OARD1: variants seen among roughly 807,000 people sequenced by gnomAD.
OARD1 encodes O-acyl-ADP-ribose deacylase 1, also known as ADP-ribose glycohydrolase OARD1.
A neutral mutation model predicts 19.7 loss-of-function variants in OARD1; 19 were observed. That is an observed-to-expected ratio of 0.96 (90% CI 0.67 to 1.41). The LOEUF is 1.41. Among genes scored for constraint, OARD1 ranks in the 40% most tolerant of loss-of-function variants. The pLI, the probability that OARD1 is intolerant of heterozygous loss-of-function variation, is 0.00. For synonymous variants in OARD1, 70 were observed against 61.8 expected, an observed-to-expected ratio of 1.13 and a Z score of -0.62; for missense variants, 190 against 183.8, an observed-to-expected ratio of 1.03 and a Z score of -0.20.
At position 41,068,945 on chromosome 6, in the gene OARD1, C is replaced by A. The variant is rs1339992660; in HGVS notation, c.252G>T (p.Lys84Asn). 2 of 1,583,534 alleles carry A rather than the reference C, an allele frequency of 1.3e-6. No homozygotes were observed. Among genetic ancestry groups the A allele is most frequent in the Non-Finnish European group, 1.7e-6 (2 of 1,159,168 alleles). ...DGRYIYYLITKKRASHKPTYE... is the reference protein window; with the variant it reads ...DGRYIYYLITNKRASHKPTYE... ...AAGTTGGCTTGTGCGAAGCCCTTTT[C>A]TTTGTAATCTGAACACAAAGGATTC... Residue 84 changes from lysine to asparagine, a missense_variant, in exon 5 of 6, where the codon AAG (lysine) becomes AAT (asparagine). Physicochemically the swap from Lys to Asn is moderately conservative, Grantham distance 94 (BLOSUM62 0). Transcript: ENST00000424266.
At chr6:41,080,949 C>A in intron 1 of OARD1, 1 of 1,414,254 alleles carries the variant, frequency 7.1e-7, no homozygotes, top group Non-Finnish European at 1.0e-6. Flanking sequence ...CTCCTCTCCT[C>A]ATGTCTGGTG....
intron 1 of OARD1, chr6:41,071,910 C>G (rs1463716131): frequency 2.2e-6 from 1 of 459,668 alleles, no homozygotes; most frequent in African/African-American, 1.9e-5. Context: ...CGCCCCGCTC[C>G]GTCAGCGGAA....
At chr6:41,081,326 A>G (rs985866596) in intron 1 of OARD1, among the ~76,000 whole-genome samples, 1 of 152,102 alleles carries the variant, frequency 6.6e-6, no homozygotes, top group Non-Finnish European at 1.5e-5. Context: ...TGTCTCTACT[A>G]AAAATACAAA....
chr6:41,092,836 A>G, intron 1 of OARD1: 1 of 1,474,950 alleles, frequency 6.8e-7, no homozygotes, highest in Non-Finnish European at 9.1e-7. Flanking sequence ...AAAAAAATGG[A>G]TGAAGAGGAA....
chr6:41,084,011 T>C (rs772333591), intron 1 of OARD1: 42 of 1,559,758 alleles, frequency 2.7e-5, no homozygotes, highest in Admixed American at 2.3e-4. Flanking sequence ...TTGTGTCTTA[T>C]GTTATTTCAT....
intron 1 of OARD1, chr6:41,089,634 T>C: frequency 1.9e-6 from 3 of 1,612,678 alleles, no homozygotes; most frequent in Non-Finnish European, 2.5e-6. Flanking sequence ...GCTGTGCAGG[T>C]GCAGGGCCAG....
intron 1 of OARD1, among the ~76,000 whole-genome samples, chr6:41,095,032 G>C (rs918594430): frequency 6.6e-6 from 1 of 152,106 alleles, no homozygotes; most frequent in Admixed American, 6.5e-5. Context: ...CTTTGGCTTA[G>C]ATTTATAAAA....
At chr6:41,094,567 G>A (rs1764295791) in intron 1 of OARD1, 3 of 1,164,038 alleles carry the variant, frequency 2.6e-6, no homozygotes, top group Non-Finnish European at 3.8e-6. Flanking sequence ...GCCTTCAGCA[G>A]TGTCCTCTTG....
chr6:41,093,027 A>G (rs368713339), intron 1 of OARD1: 3 of 1,614,088 alleles, frequency 1.9e-6, no homozygotes, highest in African/African-American at 2.7e-5. Context: ...CGTATTCTTA[A>G]GAGGAGGCAA....
chr6:41,093,654 A>G (rs985197250), intron 1 of OARD1, among the ~76,000 whole-genome samples: 18 of 152,228 alleles, frequency 1.2e-4, no homozygotes, highest in Middle Eastern at 3.4e-3. Context: ...TGTTTTTAGT[A>G]GAGACGGGGT....
chr6:41,079,113 C>A, intron 1 of OARD1: 1 of 1,614,150 alleles, frequency 6.2e-7, no homozygotes, highest in Non-Finnish European at 8.5e-7. Flanking sequence ...CAGCAAACAG[C>A]AATAGTTCGA....
intron 1 of OARD1, chr6:41,090,444 T>G: frequency 1.8e-6 from 1 of 566,408 alleles, no homozygotes; most frequent in Non-Finnish European, 3.2e-6. Context: ...AGATTTCCTC[T>G]AGCTCTCCAT....
Position 41,090,279 on chromosome 6 carries a change from G to C in OARD1, c.-42+7434C>G, listed in dbSNP as rs1324923266. ...AGGGCAGACCATCGTCTATCAACCA[G>C]TTAATGCAGATGGCACCATTCTCCA... On this transcript the variant is annotated intron_variant, in intron 1 of 4. Transcript: ENST00000480585. The C allele has an allele frequency of 6.2e-6, 10 of 1,613,848 alleles. No homozygotes were observed. The Admixed American group carries it at 1.2e-4, about 19-fold the overall frequency.
chr6:41,071,552 A>T, intron 2 of OARD1, 44 bp downstream of exon 2: 1 of 1,507,504 alleles, frequency 6.6e-7, no homozygotes, highest in African/African-American at 1.4e-5. Context: ...GACCTCCATT[A>T]TTACGAATTT....
At chr6:41,079,213 A>G in intron 1 of OARD1, 2 of 1,546,156 alleles carry the variant, frequency 1.3e-6, no homozygotes, top group Non-Finnish European at 1.8e-6. Context: ...AACTGATAAC[A>G]GCACCACTCA....
rs1171099423 is a variant in OARD1 at position 41,068,919 on chromosome 6, T to A, written c.278A>T (p.Tyr93Phe). The A allele has an allele frequency of 6.2e-7, 1 of 1,609,860 alleles. No individual in the cohort carries two copies. The highest frequency in any genetic ancestry group is 8.5e-7 in the Non-Finnish European group (1 of 1,177,836). The change falls in exon 5 of 6, where the codon TAT (tyrosine) becomes TTT (phenylalanine). Residue 93 changes from tyrosine (Y) to phenylalanine (F), a missense_variant. Tyr to Phe is a conservative substitution (Grantham distance 22, BLOSUM62 3). Coordinates refer to ENST00000424266, the MANE Select transcript of OARD1 (RefSeq NM_001329686.2). ...CTCTAAACTCTTCTGTAAGTTTTCATAAGTTGGCTTGTGCGAAGCCCTTTT... is the reference window on the plus strand; with the variant it reads ...CTCTAAACTCTTCTGTAAGTTTTCAAAAGTTGGCTTGTGCGAAGCCCTTTT... ...TKKRASHKPT[Y>F]ENLQKSLEAM... is the part of the protein sequence containing the mutation.
At chr6:41,089,088 A>G (rs1368186691) in intron 1 of OARD1, among the ~76,000 whole-genome samples, 3 of 151,828 alleles carry the variant, frequency 2.0e-5, no homozygotes, top group Non-Finnish European at 2.9e-5. Context: ...GGTTCAAGTG[A>G]TTTTCCGGCC....
At chr6:41,075,983 T>C (rs1402661290), upstream of OARD1, among the ~76,000 whole-genome samples, 1 of 152,200 alleles carries the variant, frequency 6.6e-6, no homozygotes, top group Non-Finnish European at 1.5e-5. Context: ...CAGAAATCTG[T>C]AGGATGATGG....
At position 41,097,421 on chromosome 6, in the gene OARD1, T is replaced by C. The variant is rs535922281; in HGVS notation, c.-42+292A>G. 99 of 1,613,666 alleles carry C rather than the reference T, an allele frequency of 6.1e-5. No individual in the cohort carries two copies. In the East Asian group the frequency reaches 6.5e-4, roughly 11 times the overall value. On this transcript the variant is annotated intron_variant, in intron 1 of 4. Coordinates refer to the OARD1 transcript ENST00000480585. ...ATCCGAGTGTCCTAACCCCACGCCA[T>C]GTGATGGAGCTGATCAAGGTCATGT...
Sources: allele counts gnomAD v4.1 joint callset (sites outside exome capture counted in the v4.1 genomes callset), GRCh38; gene constraint gnomAD v4.1.1; transcripts MANE v1.5; gene names NCBI Gene and HGNC (gene_info 2026-07-23, HGNC 2026-07-21).